Variants in CKAP2 observed in about 807,000 individuals in gnomAD.
CKAP2 encodes cytoskeleton-associated protein 2.
Under a neutral mutation model 58.4 loss-of-function variants are expected in CKAP2, and 46 were observed. The observed-to-expected ratio is 0.79, with a 90% CI of 0.62 to 1.01. The LOEUF (loss-of-function observed/expected upper bound fraction) is 1.01, where lower values mean the gene tolerates loss of function less well. CKAP2 is among the 50% of genes least tolerant of loss of function. CKAP2 has a pLI of 0.00. For synonymous variants in CKAP2, 293 were observed against 280.9 expected (o/e 1.04, Z -0.43); for missense variants, 809 against 796.4 (o/e 1.02, Z -0.19).
chr13:52,465,241 G>T (rs933120688), intron 5 of CKAP2, 54 bp from the exon 6 acceptor site: 2 of 1,475,008 alleles, frequency 1.4e-6, no homozygotes, highest in Non-Finnish European at 1.9e-6. Flanking sequence ...CTCAATTATT[G>T]TTCCCACTTT....
At chr13:52,463,891 C>T (rs1328271469) in intron 5 of CKAP2, among the ~76,000 whole-genome samples, 1 of 152,190 alleles carries the variant, frequency 6.6e-6, no homozygotes, top group African/African-American at 2.4e-5. Context: ...TGCATACTTT[C>T]ACCTTGTCGC....
At chr13:52,466,247 G>A (rs892400726) in intron 6 of CKAP2, among the ~76,000 whole-genome samples, 3 of 152,040 alleles carry the variant, frequency 2.0e-5, no homozygotes, top group Non-Finnish European at 4.4e-5. Context: ...TTGGGTTTTT[G>A]TTTTTATGGA....
At chr13:52,467,457 C>T (rs1958696599) in intron 6 of CKAP2, among the ~76,000 whole-genome samples, 1 of 152,176 alleles carries the variant, frequency 6.6e-6, no homozygotes, top group African/African-American at 2.4e-5. Context: ...TGGCTCACAC[C>T]TGTAATCCCA....
In CKAP2 at chr13:52,455,593, C is replaced by G; in HGVS notation, c.37C>G (p.Pro13Ala). The part of the protein sequence containing the change: ...TPAVPQDLQL[P>A]PSQRAQSAFK... ...GGCCGTGCCCCAGGACCTGCAGCTGCCCCCGAGTCAGAGGGCGCAGTCCGC... is the reference window on the plus strand; with the variant it reads ...GGCCGTGCCCCAGGACCTGCAGCTGGCCCCGAGTCAGAGGGCGCAGTCCGC... The change falls in exon 1 of 9, where the codon CCC becomes GCC. Residue 13 changes from proline (P) to alanine (A), a missense_variant. Physicochemically the swap from Pro to Ala is conservative, Grantham distance 27. Around this residue, in one of 3 missense-constraint regions of CKAP2, gnomAD observed 523 missense variants for 492.4 expected, o/e 1.06. Transcript: ENST00000258607. 6.2e-7 allele frequency: 1 copy of G among 1,611,944 alleles called. No individual in the cohort carries two copies. The highest frequency in any genetic ancestry group is 8.5e-7 in the Non-Finnish European group (1 of 1,179,424).
At chr13:52,455,748 G>C in intron 1 of CKAP2, 122 bp downstream of exon 1, 2 of 1,165,542 alleles carry the variant, frequency 1.7e-6, no homozygotes, top group South Asian at 4.6e-5. Context: ...TGAGATCCCT[G>C]AACGCGGCGT....
Position 52,473,818 on chromosome 13 carries a change from A to G in CKAP2, c.1547-11A>G, listed in dbSNP as rs756194941. ...AGCCAAAAGCTTAATCTATAAATGT[A>G]TTTTCTATAGGAGAAAATATGGAGA... On this transcript the variant is annotated splice_polypyrimidine_tract_variant and intron_variant, in intron 7 of 8. Transcript: ENST00000258607. The G allele has an allele frequency of 5.7e-6, 9 of 1,583,890 alleles. No homozygotes were observed. The Admixed American group carries it at 1.5e-4, about 27-fold the overall frequency.
chr13:52,461,607 A>G lies in CKAP2; in HGVS notation c.781A>G (p.Ser261Gly), dbSNP rs757779777. Residue 261 changes from serine to glycine, a missense_variant, in exon 4 of 9, where the codon AGT (serine) becomes GGT (glycine). Around this residue, in one of 3 missense-constraint regions of CKAP2, gnomAD observed 523 missense variants for 492.4 expected, o/e 1.06. Transcript: ENST00000258607. ...GCGACCTCCTATTAGAAGTCATCAC[A>G]GTAATACCCGGGACACTGTGAAACA... ...LVRPPIRSHH[S>G]NTRDTVKQGI... 5.0e-6 allele frequency: 8 copies of G among 1,614,208 alleles called. No homozygotes were observed. The East Asian group carries it at 6.7e-5, about 13-fold the overall frequency.
intron 6 of CKAP2, 74 bp from the exon 7 acceptor site, chr13:52,468,204 C>G: frequency 1.2e-6 from 1 of 855,876 alleles, no homozygotes; most frequent in Non-Finnish European, 1.9e-6. Flanking sequence ...AATTTAATCG[C>G]GACTTGGATA....
At position 52,474,968 on chromosome 13, in the gene CKAP2, C is replaced by T. The variant is rs748867286; in HGVS notation, c.1876C>T (p.Arg626Cys). 4 of 1,613,942 alleles carry T rather than the reference C, an allele frequency of 2.5e-6. No homozygotes were observed. The highest frequency in any genetic ancestry group is 2.2e-5 in the East Asian group (1 of 44,868). ...KELKFLTPVR[R>C]SRRLQEKTSK... ...GCTGAAGTTTTTAACACCAGTGAGA[C>T]GTTCTCGACGTCTTCAAGAGAAAAC... The change falls in exon 9 of 9, where the codon CGT (arginine) becomes TGT (cysteine). Residue 626 changes from arginine to cysteine, a missense_variant. Arg to Cys is a radical substitution (Grantham distance 180, BLOSUM62 -3). Around this residue, in one of 3 missense-constraint regions of CKAP2, gnomAD observed 283 missense variants for 287.6 expected, o/e 0.98. Transcript: ENST00000258607.
At position 52,461,849 on chromosome 13, in the gene CKAP2, C is replaced by G; in HGVS notation, c.1023C>G (p.Asp341Glu). 6.2e-7 allele frequency: 1 copy of G among 1,614,060 alleles called. No individual in the cohort carries two copies. The highest frequency in any genetic ancestry group is 8.5e-7 in the Non-Finnish European group (1 of 1,179,998). ...DKLMEKSEPV[D>E]QRRHTAGKAI... ...TGATGGAAAAGTCAGAGCCCGTTGA[C>G]CAGCGAAGACATACTGCAGGAAAAG... is the stretch of plus-strand genomic sequence containing the variant. The change falls in exon 4 of 9, where the codon GAC becomes GAG. Residue 341 changes from aspartate (D) to glutamate (E), a missense_variant. Asp to Glu is a conservative substitution (Grantham distance 45). Coordinates refer to ENST00000258607, the MANE Select transcript of CKAP2 (RefSeq NM_018204.5).
In CKAP2 at chr13:52,456,509, C is replaced by T. The variant is rs763714567; in HGVS notation, c.71-14C>T. ...AACTAATATTGACTTGTAGCTCTTA[C>T]CTTTGTTATCTAGAGCAAAGAAGAC... is the stretch of plus-strand genomic sequence containing the variant. On this transcript the variant is annotated splice_polypyrimidine_tract_variant and intron_variant, in intron 1 of 8. Transcript: ENST00000258607. 6.3e-7 allele frequency: 1 copy of T among 1,587,526 alleles called. No individual in the cohort carries two copies. Among genetic ancestry groups the T allele is most frequent in the Non-Finnish European group, 8.6e-7 (1 of 1,160,742 alleles).
chr13:52,456,011 G>C (rs1298586334), intron 1 of CKAP2: 2 of 1,060,768 alleles, frequency 1.9e-6, no homozygotes, highest in East Asian at 7.4e-5. Context: ...GGTCCCTAGC[G>C]AATTTCTGCA....
intron 7 of CKAP2, among the ~76,000 whole-genome samples, chr13:52,470,182 T>C (rs1483278765): frequency 6.6e-6 from 1 of 151,712 alleles, no homozygotes; most frequent in Non-Finnish European, 1.5e-5. Flanking sequence ...CTCGGCTCAC[T>C]GCAACCTCCG....
At chr13:52,465,934 C>T (rs757394793) in intron 6 of CKAP2, 6 of 306,542 alleles carry the variant, frequency 2.0e-5, no homozygotes, top group South Asian at 8.8e-5. Flanking sequence ...TATATACACA[C>T]ATATATATAC....
rs753848003 is a variant in CKAP2, at chr13:52,462,524, A to T, written c.1262A>T (p.Lys421Ile). The part of the protein sequence containing the change: ...EEDEQRLFTE[K>I]VNNTFSECLN... The stretch of plus-strand genomic sequence containing the variant: ...GATGAACAAAGATTATTTACTGAAA[A>T]AGTAAACAACACATTTTCTGAATGC... The change falls in exon 5 of 9, where the codon AAA becomes ATA. Residue 421 changes from lysine to isoleucine, a missense_variant. Physicochemically the swap from Lys to Ile is moderately radical, Grantham distance 102 (BLOSUM62 -3). Transcript: ENST00000258607. 1 of 1,614,060 alleles carries T rather than the reference A, an allele frequency of 6.2e-7. No homozygotes were observed. Among genetic ancestry groups the T allele is most frequent in the Non-Finnish European group, 8.5e-7 (1 of 1,179,992 alleles).
chr13:52,473,737 A>G, intron 7 of CKAP2, 92 bp from the exon 8 acceptor site: 1 of 1,206,086 alleles, frequency 8.3e-7, no homozygotes. Context: ...TTTTATTTTG[A>G]AAATGTGGCC....
chr13:52,465,453 G>A lies in CKAP2; in HGVS notation c.1464G>A (p.Leu488=). The change falls in exon 6 of 9, where the codon CTG becomes CTA. Residue 488 remains leucine (L), a synonymous_variant. Transcript: ENST00000258607. ...NIIAIYEKAI[L]AGAQPIEEMR... is the part of the protein sequence containing the mutation. ...TTGCAATCTATGAGAAAGCCATTCT[G>A]GCAGGGGCTCAGGTAAGATAAAAAT... is the stretch of plus-strand genomic sequence containing the variant. 3 of 1,613,158 alleles carry A rather than the reference G, an allele frequency of 1.9e-6. No individual in the cohort carries two copies. The highest frequency in any genetic ancestry group is 2.5e-6 in the Non-Finnish European group (3 of 1,179,352).
intron 7 of CKAP2, among the ~76,000 whole-genome samples, chr13:52,468,644 C>G (rs1360015285): frequency 1.3e-5 from 2 of 152,202 alleles, no homozygotes; most frequent in Non-Finnish European, 2.9e-5. Flanking sequence ...ATTTAGTTTT[C>G]TGTTCCTGTG....
At chr13:52,470,768 A>G (rs1434689215) in intron 7 of CKAP2, among the ~76,000 whole-genome samples, 1 of 152,204 alleles carries the variant, frequency 6.6e-6, no homozygotes, top group African/African-American at 2.4e-5. Flanking sequence ...TGATCTTACT[A>G]GTAGTATTTA....
Sources: gnomAD v4.1 joint callset for allele counts (sites outside exome capture counted in the v4.1 genomes callset) on GRCh38, gnomAD v4.1.1 for gene constraint, gnomAD v4.1.1 regional missense constraint, MANE v1.5 for transcripts, NCBI Gene and HGNC (gene_info 2026-07-23, HGNC 2026-07-21) for gene names.